GOLGB1: variants seen among roughly 807,000 people sequenced by gnomAD.
The protein encoded by GOLGB1 is golgin subfamily B member 1.
Under a neutral mutation model 336.9 loss-of-function variants are expected in GOLGB1, and 174 were observed. The observed-to-expected ratio is 0.52, with a 90% CI of 0.46 to 0.59. The LOEUF (loss-of-function observed/expected upper bound fraction) is 0.59, where lower values mean the gene tolerates loss of function less well. GOLGB1 is among the 20% of genes least tolerant of loss of function. The pLI is 0.00. For missense variants in GOLGB1, 3,331 were observed against 3,645.3 expected, an observed-to-expected ratio of 0.91 and a Z score of 2.22; for synonymous variants, 1,208 against 1,289.2, an observed-to-expected ratio of 0.94 and a Z score of 1.35.
In GOLGB1 at chr3:121,673,100, C is replaced by T. The variant is rs139196183; in HGVS notation, c.9178-3745G>A. Reference sequence around the variant, plus strand: ...TTTTTTTTTTTTTGAGACGGAGTCTCGCTCTGTCACCCAGGCTGGAGTGCA... The same window carrying T: ...TTTTTTTTTTTTTGAGACGGAGTCTTGCTCTGTCACCCAGGCTGGAGTGCA... On this transcript the variant is annotated intron_variant, in intron 17 of 21. Transcript: ENST00000614479. 3.8e-3 allele frequency among the ~76,000 whole-genome samples: 567 copies of T among 148,440 alleles called. 4 individuals are homozygous for T. Among genetic ancestry groups the T allele is most frequent in the African/African-American group, 0.013 (503 of 40,200 alleles).
In GOLGB1 at chr3:121,695,066, C is replaced by T. The variant is rs777822310; in HGVS notation, c.5457G>A (p.Ser1819=). Residue 1819 remains serine (S), a synonymous_variant, in exon 13 of 22, where the codon TCG becomes TCA. Coordinates refer to ENST00000614479, the MANE Select transcript of GOLGB1 (RefSeq NM_001366282.2). The stretch of plus-strand genomic sequence containing the variant: ...GGTTGGCACTCTTCGCTGATGGAAC[C>T]GATTCTGAACATGTAGGTCTTGTGC... The part of the protein sequence containing the change: ...SMSTRPTCSE[S]VPSAKSANPA... 21 of 1,614,012 alleles carry T rather than the reference C, an allele frequency of 1.3e-5. No individual in the cohort carries two copies. Among genetic ancestry groups the T allele is most frequent in the African/African-American group, 2.7e-5 (2 of 74,980 alleles).
rs933878711 is a variant in GOLGB1, at chr3:121,695,540, G to T, written c.4983C>A (p.Asn1661Lys). Reference sequence around the variant, plus strand: ...GCAACTGCTTTTCTGTCTCCTTCTTGTTTGCCTCTGTGCTTCTTAACTTGC... The same window carrying T: ...GCAACTGCTTTTCTGTCTCCTTCTTTTTTGCCTCTGTGCTTCTTAACTTGC... ...LYGKLRSTEANKKETEKQLQE... is the reference protein window; with the variant it reads ...LYGKLRSTEAKKKETEKQLQE... Residue 1661 changes from asparagine to lysine, a missense_variant, in exon 13 of 22, where the codon AAC becomes AAA. Physicochemically the swap from Asn to Lys is moderately conservative, Grantham distance 94 (BLOSUM62 0). Transcript: ENST00000614479. 1 of 1,613,780 alleles carries T rather than the reference G, an allele frequency of 6.2e-7. No individual in the cohort carries two copies. The highest frequency in any genetic ancestry group is 8.5e-7 in the Non-Finnish European group (1 of 1,179,962).
At chr3:121,738,496 G>A (rs956167331) in intron 1 of GOLGB1, among the ~76,000 whole-genome samples, 1 of 152,138 alleles carries the variant, frequency 6.6e-6, no homozygotes, top group Non-Finnish European at 1.5e-5. Context: ...TCAACTGGGA[G>A]GAAATTGAGG....
In GOLGB1 at chr3:121,664,213, A is replaced by G. The variant is rs988846191; in HGVS notation, c.*267T>C. 4.5e-6 allele frequency: 2 copies of G among 441,534 alleles called. No individual in the cohort carries two copies. The highest frequency in any genetic ancestry group is 8.2e-6 in the Non-Finnish European group (2 of 243,820). 27.4% of individuals were successfully genotyped at this position (441,534 alleles called of 1,614,324 possible). A position where few individuals can be genotyped will look rare whatever the true frequency, so the allele number is the denominator to read the frequency against. On this transcript the variant is annotated 3_prime_UTR_variant, in exon 22 of 22. Coordinates refer to ENST00000614479, the MANE Select transcript of GOLGB1 (RefSeq NM_001366282.2). ...AAGATCAGGGTCCTGCAAAATCTCA[A>G]CAAATATTAGGCTCAACAAACCAAA...
In GOLGB1 at chr3:121,692,457, G is replaced by A. The variant is rs1180340546; in HGVS notation, c.6907C>T (p.His2303Tyr). 3.1e-6 allele frequency: 5 copies of A among 1,613,834 alleles called. No individual in the cohort carries two copies. In the African/African-American group the frequency reaches 6.7e-5, roughly 22 times the overall value. Residue 2303 changes from histidine (H) to tyrosine (Y), a missense_variant, in exon 14 of 22, where the codon CAC (histidine) becomes TAC (tyrosine). By Grantham distance (83) the His-to-Tyr change is moderately conservative. Transcript: ENST00000614479. ...ELLSQLEETRHLYHSSQNELA... is the reference protein window; with the variant it reads ...ELLSQLEETRYLYHSSQNELA... ...TCATTCTGAGAACTGTGGTATAGGT[G>A]GCGTGTCTCTTCTAGCTGGGACAAA...
intron 4 of GOLGB1, 38 bp downstream of exon 4, chr3:121,729,150 T>C: frequency 6.7e-7 from 1 of 1,500,028 alleles, no homozygotes; most frequent in Non-Finnish European, 9.0e-7. Context: ...GTAGGTTTTT[T>C]CAACTTAGGA....
At position 121,699,819 on chromosome 3, in the gene GOLGB1, A is replaced by T; in HGVS notation, c.1586T>A (p.Val529Asp). The T allele has an allele frequency of 6.3e-7, 1 of 1,591,060 alleles. No individual in the cohort carries two copies. The highest frequency in any genetic ancestry group is 2.2e-5 in the East Asian group (1 of 44,702). The change falls in exon 12 of 22, where the codon GTC becomes GAC. Residue 529 changes from valine (V) to aspartate (D), a missense_variant. By Grantham distance (152) the Val-to-Asp change is radical. Coordinates refer to ENST00000614479, the MANE Select transcript of GOLGB1 (RefSeq NM_001366282.2). Reference protein sequence around the residue: ...QNRTGEADREVSEISIVDIAN... With the variant: ...QNRTGEADREDSEISIVDIAN... Reference sequence around the variant, plus strand: ...TAAGAACACATCACTTACCTCACTGACTTCTCTGTCTGCCTCCCCAGTTCT... The same window carrying T: ...TAAGAACACATCACTTACCTCACTGTCTTCTCTGTCTGCCTCCCCAGTTCT...
Position 121,696,646 on chromosome 3 carries a change from A to G in GOLGB1, c.3877T>C (p.Trp1293Arg), listed in dbSNP as rs199584018. The change falls in exon 13 of 22, where the codon TGG becomes CGG. Residue 1293 changes from tryptophan (W) to arginine (R), a missense_variant. Coordinates refer to ENST00000614479, the MANE Select transcript of GOLGB1 (RefSeq NM_001366282.2). ...PVLESNLCPD[W>R]PSHSEDASAL... ...CTCGCATCTTCAGAATGAGAAGGCC[A>G]GTCTGGGCACAAGTTGGACTCTAAA... 3 of 1,614,176 alleles carry G rather than the reference A, an allele frequency of 1.9e-6. No homozygotes were observed. The African/African-American group carries it at 4.0e-5, about 22-fold the overall frequency.
intron 1 of GOLGB1, among the ~76,000 whole-genome samples, chr3:121,744,702 T>C (rs1947128182): frequency 6.6e-6 from 1 of 151,102 alleles, no homozygotes; most frequent in Non-Finnish European, 1.5e-5. Context: ...TTTTCTCACA[T>C]AACCATTTAA....
At chr3:121,729,457 G>C (rs1560312914) in intron 3 of GOLGB1, 117 bp from the exon 4 acceptor site, 1 of 830,888 alleles carries the variant, frequency 1.2e-6, no homozygotes, top group Non-Finnish European at 1.9e-6. Flanking sequence ...TCTGTTACCA[G>C]GGCTGGAGTG....
Position 121,667,599 on chromosome 3 carries a change from G to A in GOLGB1, c.9431C>T (p.Ala3144Val), listed in dbSNP as rs1938819290. ...LREPQQSFSE[A>V]QQQLCNTRQE... ...TCTGGTGTTGCATAGCTGCTGCTGA[G>A]CTTCAGAAAAGCTTTAGGATGAGAG... The change falls in exon 20 of 22, where the codon GCT (alanine) becomes GTT (valine). Residue 3144 changes from alanine to valine, a missense_variant. Ala to Val is a moderately conservative substitution (Grantham distance 64). Coordinates refer to ENST00000614479, the MANE Select transcript of GOLGB1 (RefSeq NM_001366282.2). The A allele has an allele frequency of 2.5e-6, 4 of 1,613,572 alleles. No individual in the cohort carries two copies. Among genetic ancestry groups the A allele is most frequent in the Non-Finnish European group, 3.4e-6 (4 of 1,179,758 alleles).
At chr3:121,747,287 A>G (rs1012870475) in intron 1 of GOLGB1, among the ~76,000 whole-genome samples, 2 of 110,058 alleles carry the variant, frequency 1.8e-5, no homozygotes, top group African/African-American at 7.8e-5. Context: ...GTATATATGT[A>G]TATATATGTG....
rs778372251 is a variant in GOLGB1 at position 121,694,215 on chromosome 3, T to C, written c.6308A>G (p.Asn2103Ser). ...CTGAAGTTCCTTTTTCAACTTGAGA[T>C]TGTCTGCTAGGACCCTTGCTGCTTC... The part of the protein sequence containing the change: ...QSEAARVLAD[N>S]LKLKKELQSN... The change falls in exon 13 of 22, where the codon AAT (asparagine) becomes AGT (serine). Residue 2103 changes from asparagine to serine, a missense_variant. Coordinates refer to ENST00000614479, the MANE Select transcript of GOLGB1 (RefSeq NM_001366282.2). The C allele has an allele frequency of 2.5e-6, 4 of 1,612,050 alleles. No homozygotes were observed.
chr3:121,730,890 C>T lies in GOLGB1; in HGVS notation c.82G>A (p.Ala28Thr). The T allele has an allele frequency of 6.2e-7, 1 of 1,611,206 alleles. No individual in the cohort carries two copies. Among genetic ancestry groups the T allele is most frequent in the Non-Finnish European group, 8.5e-7 (1 of 1,177,876 alleles). ...GDDDTDQNMR[A>T]PLDPELHQES... is the part of the protein sequence containing the mutation. ...GAACTACTCACAGGGTCTAGGGGAGCCCTCATATTCTGATCAGTGTCATCA... is the reference window on the plus strand; with the variant it reads ...GAACTACTCACAGGGTCTAGGGGAGTCCTCATATTCTGATCAGTGTCATCA... Residue 28 changes from alanine (A) to threonine (T), a missense_variant, in exon 2 of 22, where the codon GCT (alanine) becomes ACT (threonine). Ala to Thr is a moderately conservative substitution (Grantham distance 58). Transcript: ENST00000614479.
intron 1 of GOLGB1, chr3:121,748,760 T>C (rs1947549820): frequency 2.1e-6 from 2 of 958,728 alleles, no homozygotes; most frequent in Non-Finnish European, 1.2e-6. Flanking sequence ...AGCTTCCAAC[T>C]ATCTCCAAAA....
rs1035725972 is a variant in GOLGB1 at position 121,670,983 on chromosome 3, T to G, written c.9178-1628A>C. On this transcript the variant is annotated intron_variant, in intron 17 of 21. Coordinates refer to ENST00000614479, the MANE Select transcript of GOLGB1 (RefSeq NM_001366282.2). ...AACATAGATCCTTCTAGTTTAGGGG[T>G]TGGCAAACTATGATCCAGGGCCTGC... 7.9e-5 allele frequency among the ~76,000 whole-genome samples: 12 copies of G among 152,150 alleles called. 1 individual carries two copies. The highest frequency in any genetic ancestry group is 7.9e-4 in the Admixed American group (12 of 15,278).
Position 121,695,888 on chromosome 3 carries a change from C to T in GOLGB1, c.4635G>A (p.Arg1545=), listed in dbSNP as rs148168566. 2,087 of 1,613,846 alleles carry T rather than the reference C, an allele frequency of 1.3e-3. 6 individuals are homozygous for T. Among genetic ancestry groups the T allele is most frequent in the Non-Finnish European group, 1.6e-3 (1,839 of 1,179,874 alleles). Residue 1545 remains arginine, a synonymous_variant, in exon 13 of 22, where the codon AGG becomes AGA. Transcript: ENST00000614479. ...CTCTTTCTTCTTGAAGAAGAGCTAA[C>T]CTTCCTAAGACCGTATCTTTTTCTT... is the stretch of plus-strand genomic sequence containing the variant. The part of the protein sequence containing the change: ...QNKEKDTVLG[R]LALLQEERDK...
chr3:121,691,379 T>G lies in GOLGB1; in HGVS notation c.7985A>C (p.Glu2662Ala). ...LFSSSQKRIAELEEELVCVQK... is the reference protein window; with the variant it reads ...LFSSSQKRIAALEEELVCVQK... ...AACACAAACCAATTCTTCTTCCAGT[T>G]CTGCAATTCTCTTTTGAGAGGAGGA... The change falls in exon 14 of 22, where the codon GAA becomes GCA. Residue 2662 changes from glutamate (E) to alanine (A), a missense_variant. Transcript: ENST00000614479. The G allele has an allele frequency of 3.1e-6, 5 of 1,613,238 alleles. No homozygotes were observed. The highest frequency in any genetic ancestry group is 4.2e-6 in the Non-Finnish European group (5 of 1,179,856).
chr3:121,714,845 G>A lies in GOLGB1; in HGVS notation c.1404+16C>T. On this transcript the variant is annotated intron_variant, in intron 10 of 21. Transcript: ENST00000614479. ...GACAAACAGTTAATATTCATAAGAA[G>A]TTCACATTTAATTACCTGTGTGCCC... 7.2e-7 allele frequency: 1 copy of A among 1,390,742 alleles called. No individual in the cohort carries two copies. Among genetic ancestry groups the A allele is most frequent in the Non-Finnish European group, 1.0e-6 (1 of 976,550 alleles). 86.2% of individuals were successfully genotyped at this position (1,390,742 alleles called of 1,614,324 possible).
Sources: allele counts gnomAD v4.1 joint callset (sites outside exome capture counted in the v4.1 genomes callset), GRCh38; gene constraint gnomAD v4.1.1; transcripts MANE v1.5; gene names NCBI Gene and HGNC (gene_info 2026-07-23, HGNC 2026-07-21).